The following SLC16A12 variants were observed in gnomAD, a reference collection of about 807,000 sequenced individuals.
The protein encoded by SLC16A12 is solute carrier family 16 member 12.
A neutral mutation model predicts 42.4 loss-of-function variants in SLC16A12; 17 were observed. The ratio of observed to expected loss-of-function variants is 0.40; its 90% CI spans 0.27 to 0.60. The LOEUF is 0.60. Ranked by LOEUF, SLC16A12 falls within the 20% of genes least tolerant of loss-of-function variation. The pLI is 0.42. For missense variants in SLC16A12, 544 were observed against 623.0 expected, an observed-to-expected ratio of 0.87 and a Z score of 1.35; for synonymous variants, 224 against 229.4, an observed-to-expected ratio of 0.98 and a Z score of 0.21.
chr10:89,497,355 A>G (rs1019952444), intron 2 of SLC16A12, among the ~76,000 whole-genome samples: 1 of 152,256 alleles, frequency 6.6e-6, no homozygotes, highest in African/African-American at 2.4e-5. Flanking sequence ...AGGTAGAAAC[A>G]AAGAAATTCA....
chr10:89,515,471 C>T (rs1276506746), intron 2 of SLC16A12, among the ~76,000 whole-genome samples: 1 of 152,142 alleles, frequency 6.6e-6, no homozygotes, highest in Non-Finnish European at 1.5e-5. Flanking sequence ...CAGCCACCTG[C>T]TTTTTTTCTG....
chr10:89,457,748 A>T (rs1051090142), intron 3 of SLC16A12, among the ~76,000 whole-genome samples: 1 of 152,200 alleles, frequency 6.6e-6, no homozygotes, highest in African/African-American at 2.4e-5. Flanking sequence ...AGCACCCTTT[A>T]TTCCATCCTG....
intron 3 of SLC16A12, among the ~76,000 whole-genome samples, chr10:89,458,383 T>C (rs1479139234): frequency 6.6e-6 from 1 of 152,210 alleles, no homozygotes; most frequent in East Asian, 1.9e-4. Context: ...TTTGGGTCTA[T>C]TTACCTGTCT....
At position 89,432,764 on chromosome 10, in the gene SLC16A12, T is replaced by A; in HGVS notation, c.*300A>T. 1 of 316,744 alleles carries A rather than the reference T, an allele frequency of 3.2e-6. No individual in the cohort carries two copies. Among genetic ancestry groups the A allele is most frequent in the East Asian group, 7.7e-5 (1 of 13,006 alleles). The allele number at this position is 316,744 out of a possible 1,614,324, so 19.6% of individuals were successfully genotyped here. ...CTGCTTTGGTTATGCTTTGAAATTA[T>A]CCCTAATTACAGCTAATTATATCAG... On this transcript the variant is annotated 3_prime_UTR_variant, in exon 8 of 8. Coordinates refer to ENST00000371790, the MANE Select transcript of SLC16A12 (RefSeq NM_213606.4).
chr10:89,556,619 A>T (rs1440318864), exon 1 of SLC16A12: 4 of 152,220 alleles, frequency 2.6e-5, no homozygotes, highest in Admixed American at 6.5e-5. Flanking sequence ...TTGTCTGATC[A>T]TAGGTCAGAA....
intron 2 of SLC16A12, among the ~76,000 whole-genome samples, chr10:89,546,371 A>G (rs936843676): frequency 6.6e-6 from 1 of 152,224 alleles, no homozygotes; most frequent in African/African-American, 2.4e-5. Flanking sequence ...AAAGTGAGCA[A>G]AGGATATGGA....
At chr10:89,507,738 C>G in intron 2 of SLC16A12, among the ~76,000 whole-genome samples, 1 of 151,556 alleles carries the variant, frequency 6.6e-6, no homozygotes, top group East Asian at 1.9e-4. Flanking sequence ...ATATTAACCT[C>G]AAATGTAAAT....
chr10:89,486,599 AAAAAAAAGAAAG>A (rs1564585716), intron 2 of SLC16A12, among the ~76,000 whole-genome samples: 23 of 121,572 alleles, frequency 1.9e-4, no homozygotes, highest in Admixed American at 4.3e-4. Flanking sequence ...CTCAAAAAAA[AAAAAAAAGAAAG>A]AAAGAAAGAA....
intron 2 of SLC16A12, among the ~76,000 whole-genome samples, chr10:89,526,753 G>A (rs568509557): frequency 8.5e-5 from 13 of 152,280 alleles, no homozygotes; most frequent in African/African-American, 2.9e-4. Context: ...GCTGGACATC[G>A]GTCCGCCACC....
rs1841685841 is a variant in SLC16A12 at position 89,431,013 on chromosome 10, T to C, written c.*2051A>G. 3.4e-6 allele frequency: 1 copy of C among 291,416 alleles called. No homozygotes were observed. The highest frequency in any genetic ancestry group is 6.5e-6 in the Non-Finnish European group (1 of 152,924). 18.1% of individuals were successfully genotyped at this position (291,416 alleles called of 1,614,324 possible). A position where few individuals can be genotyped will look rare whatever the true frequency, so the allele number is the denominator to read the frequency against. ...TACAGATACCTTCCAATTTTTTTTT[T>C]TTGAGATGGAGTCTTGCTCTGTCGC... is the stretch of plus-strand genomic sequence containing the variant. On this transcript the variant is annotated 3_prime_UTR_variant, in exon 8 of 8. Transcript: ENST00000371790.
At chr10:89,553,920 G>A (rs974796978) in intron 2 of SLC16A12, among the ~76,000 whole-genome samples, 4 of 151,326 alleles carry the variant, frequency 2.6e-5, no homozygotes, top group Non-Finnish European at 4.4e-5. Flanking sequence ...GCTTGAACCC[G>A]GGAGGCAGAA....
At chr10:89,462,273 C>CACACACATATCTTCACAAT (rs1437123877) in intron 3 of SLC16A12, 106 bp downstream of exon 3, 1 of 1,485,872 alleles carries the variant, frequency 6.7e-7, no homozygotes. Flanking sequence ...ACCACATGAA[C>CACACACATATCTTCACAAT]ACACACATAT....
At chr10:89,497,574 G>A in intron 2 of SLC16A12, among the ~76,000 whole-genome samples, 1 of 152,130 alleles carries the variant, frequency 6.6e-6, no homozygotes, top group East Asian at 1.9e-4. Context: ...CTGTATTAGG[G>A]CCTCTGGAAC....
chr10:89,440,145 G>GT (rs1484035593), intron 5 of SLC16A12, among the ~76,000 whole-genome samples: 4 of 150,706 alleles, frequency 2.7e-5, no homozygotes, highest in African/African-American at 9.7e-5. Flanking sequence ...CTGAGGGGCT[G>GT]TGAGCCTGGA....
At chr10:89,508,120 C>A (rs970044512) in intron 2 of SLC16A12, among the ~76,000 whole-genome samples, 2 of 151,948 alleles carry the variant, frequency 1.3e-5, no homozygotes, top group Non-Finnish European at 2.9e-5. Context: ...TCCCACACAG[C>A]AATAGTGGGA....
chr10:89,553,981 C>G (rs570172561), intron 2 of SLC16A12, among the ~76,000 whole-genome samples: 9 of 142,438 alleles, frequency 6.3e-5, no homozygotes, highest in African/African-American at 2.4e-4. Context: ...GGCAACAGAG[C>G]GAGACTCCAT....
rs190755672 is a variant in SLC16A12 at position 89,491,321 on chromosome 10, C to G, written c.-46-28697G>C. Reference sequence around the variant, plus strand: ...CAGGCAAAAGAGATATACTACATGCCTCACAGGTGTGTGCCTAGAAGGACA... The same window carrying G: ...CAGGCAAAAGAGATATACTACATGCGTCACAGGTGTGTGCCTAGAAGGACA... On this transcript the variant is annotated intron_variant, in intron 2 of 7. Transcript: ENST00000371790. Among the ~76,000 whole-genome samples, 102 of 152,216 alleles carry G rather than the reference C, an allele frequency of 6.7e-4. 1 individual carries two copies. Among genetic ancestry groups the G allele is most frequent in the Non-Finnish European group, 4.4e-5 (3 of 68,016 alleles).
At chr10:89,473,859 C>T (rs1842538558) in intron 2 of SLC16A12, among the ~76,000 whole-genome samples, 1 of 152,138 alleles carries the variant, frequency 6.6e-6, no homozygotes, top group Admixed American at 6.5e-5. Flanking sequence ...GTGTCCTCAG[C>T]CATAATCTGT....
At chr10:89,549,707 T>C (rs1843759885) in intron 2 of SLC16A12, among the ~76,000 whole-genome samples, 1 of 152,228 alleles carries the variant, frequency 6.6e-6, no homozygotes. Context: ...GCAGTGTGTC[T>C]ATAATTCTTT....
Sources: gnomAD v4.1 joint callset for allele counts (sites outside exome capture counted in the v4.1 genomes callset) on GRCh38, gnomAD v4.1.1 for gene constraint, MANE v1.5 for transcripts, NCBI Gene and HGNC (gene_info 2026-07-23, HGNC 2026-07-21) for gene names.